Variants in DNM3 observed in about 807,000 individuals in gnomAD.
DNM3 encodes dynamin-3.
In DNM3, 47 loss-of-function variants were observed where a neutral mutation model predicts 101.6. The observed-to-expected ratio is 0.46, with a 90% CI of 0.37 to 0.59. DNM3 has a LOEUF of 0.59. Among genes scored for constraint, DNM3 ranks in the 20% least tolerant of loss-of-function variants. The pLI, the probability that DNM3 is intolerant of heterozygous loss-of-function variation, is 0.00. For missense variants in DNM3, 849 were observed against 1,085.7 expected (o/e 0.78, Z 3.06); for synonymous variants, 385 against 387.9 (o/e 0.99, Z 0.09).
intron 2 of DNM3, among the ~76,000 whole-genome samples, chr1:171,963,249 G>A (rs577813219): frequency 6.6e-6 from 1 of 152,096 alleles, no homozygotes; most frequent in African/African-American, 2.4e-5. Flanking sequence ...AAAACTTAAT[G>A]CATATTACTA....
intron 13 of DNM3, chr1:172,093,687 C>T: frequency 6.2e-7 from 1 of 1,605,588 alleles, no homozygotes; most frequent in Non-Finnish European, 8.5e-7. Flanking sequence ...TAATTCTTTG[C>T]TATTTCAGGG....
At chr1:172,281,247 G>A (rs555548115) in intron 15 of DNM3, among the ~76,000 whole-genome samples, 161 of 152,190 alleles carry the variant, frequency 1.1e-3, no homozygotes, top group Middle Eastern at 0.01. Context: ...ATTGAAAGGA[G>A]GTAAGGTAAG....
chr1:172,004,152 T>C (rs1050975658), intron 4 of DNM3, among the ~76,000 whole-genome samples: 10 of 152,130 alleles, frequency 6.6e-5, no homozygotes, highest in African/African-American at 1.9e-4. Flanking sequence ...AAAAAGAATC[T>C]GTATGTTTTG....
At chr1:171,982,617 C>T (rs2044888064) in intron 2 of DNM3, among the ~76,000 whole-genome samples, 1 of 151,914 alleles carries the variant, frequency 6.6e-6, no homozygotes, top group African/African-American at 2.4e-5. Flanking sequence ...TGTGATTACT[C>T]TGAGGTCACT....
At chr1:172,074,699 C>G (rs1040545438) in intron 11 of DNM3, among the ~76,000 whole-genome samples, 2 of 152,200 alleles carry the variant, frequency 1.3e-5, no homozygotes, top group African/African-American at 4.8e-5. Flanking sequence ...GCCACATTTT[C>G]TTTATCCAGT....
intron 1 of DNM3, among the ~76,000 whole-genome samples, chr1:171,863,969 A>G (rs188003363): frequency 2.6e-5 from 4 of 152,336 alleles, no homozygotes; most frequent in Admixed American, 6.5e-5. Flanking sequence ...TCTGGGCTGT[A>G]TGTGCAAAAC....
At chr1:172,099,768 G>A (rs929219022) in intron 13 of DNM3, among the ~76,000 whole-genome samples, 1 of 152,222 alleles carries the variant, frequency 6.6e-6, no homozygotes, top group East Asian at 1.9e-4. Context: ...CCACCTGAAA[G>A]TCAGAGATGT....
chr1:172,131,526 C>T (rs577393333), intron 14 of DNM3, among the ~76,000 whole-genome samples: 1 of 152,070 alleles, frequency 6.6e-6, no homozygotes, highest in African/African-American at 2.4e-5. Context: ...GTTTGCTTAC[C>T]TGAAGAAATG....
At position 172,103,598 on chromosome 1, in the gene DNM3, A is replaced by G. The variant is rs115676103; in HGVS notation, c.1545+10723A>G. The stretch of plus-strand genomic sequence containing the variant: ...GAACCAGTTCATAGACCCAACAACT[A>G]TATATGTAAGTACCTCAATCCCCAG... On this transcript the variant is annotated intron_variant, in intron 13 of 20. Transcript: ENST00000627582. Among the ~76,000 whole-genome samples the G allele has an allele frequency of 9.1e-3, 1,389 of 152,274 alleles. 19 individuals are homozygous for G. The highest frequency in any genetic ancestry group is 0.031 in the African/African-American group (1,295 of 41,552).
chr1:171,885,659 T>C (rs183699900), intron 1 of DNM3, among the ~76,000 whole-genome samples: 4 of 152,164 alleles, frequency 2.6e-5, no homozygotes, highest in African/African-American at 7.2e-5. Context: ...ACAGGGGATA[T>C]GCCCACCTAG....
intron 14 of DNM3, among the ~76,000 whole-genome samples, chr1:172,186,161 G>T (rs956091877): frequency 3.3e-5 from 5 of 152,066 alleles, no homozygotes; most frequent in African/African-American, 1.2e-4. Context: ...TCTTTTGGGT[G>T]CTTAGGGACC....
At chr1:172,043,237 A>G (rs1213201307) in intron 8 of DNM3, among the ~76,000 whole-genome samples, 1 of 152,120 alleles carries the variant, frequency 6.6e-6, no homozygotes, top group Non-Finnish European at 1.5e-5. Context: ...ATGACTTCCA[A>G]GGTTTTGGCT....
At chr1:171,958,701 A>T (rs919813037) in intron 2 of DNM3, among the ~76,000 whole-genome samples, 2 of 152,204 alleles carry the variant, frequency 1.3e-5, no homozygotes, top group African/African-American at 2.4e-5. Context: ...TAAGCTGTCC[A>T]GATGAGAGGT....
At chr1:172,373,191 A>C (rs1258758892) in intron 17 of DNM3, among the ~76,000 whole-genome samples, 1 of 152,080 alleles carries the variant, frequency 6.6e-6, no homozygotes, top group East Asian at 1.9e-4. Flanking sequence ...TTTGAGGGAC[A>C]ATGTAAATAC....
chr1:172,170,432 C>G (rs1185626889), intron 14 of DNM3, among the ~76,000 whole-genome samples: 1 of 151,786 alleles, frequency 6.6e-6, no homozygotes, highest in Non-Finnish European at 1.5e-5. Context: ...TCACCACTTA[C>G]TAGCTGTGAA....
At chr1:172,326,797 A>C (rs570067713) in intron 17 of DNM3, among the ~76,000 whole-genome samples, 8 of 152,306 alleles carry the variant, frequency 5.3e-5, no homozygotes, top group Middle Eastern at 3.4e-3. Context: ...ATAGATACAC[A>C]AATGAAAACT....
intron 15 of DNM3, among the ~76,000 whole-genome samples, chr1:172,268,384 A>G (rs1179463535): frequency 6.6e-6 from 1 of 151,906 alleles, no homozygotes; most frequent in Non-Finnish European, 1.5e-5. Flanking sequence ...CTAGTCCCTC[A>G]TTGCAAAGAT....
chr1:172,079,741 T>A (rs2052980116), intron 11 of DNM3, among the ~76,000 whole-genome samples: 1 of 152,194 alleles, frequency 6.6e-6, no homozygotes, highest in Non-Finnish European at 1.5e-5. Context: ...CACTGTTTTT[T>A]TCCTCATCTT....
intron 16 of DNM3, 102 bp downstream of exon 16, chr1:172,308,941 CTTAA>C (rs2064964841): frequency 1.2e-5 from 7 of 574,286 alleles, no homozygotes; most frequent in African/African-American, 1.9e-5. Flanking sequence ...TTCTTACTGA[CTTAA>C]TTAATTAGTT....
Sources: allele counts gnomAD v4.1 joint callset (sites outside exome capture counted in the v4.1 genomes callset), GRCh38; gene constraint gnomAD v4.1.1; transcripts MANE v1.5; gene names NCBI Gene and HGNC (gene_info 2026-07-23, HGNC 2026-07-21).